Variants in SUPT3H observed in about 807,000 individuals in gnomAD.
SUPT3H encodes the protein transcription initiation protein SPT3 homolog.
SUPT3H carries 44 observed loss-of-function variants against 44.3 expected under a neutral mutation model. The observed-to-expected ratio is 0.99, with a 90% CI of 0.78 to 1.28. SUPT3H has a LOEUF of 1.28. SUPT3H is among the 50% of genes most tolerant of loss of function. SUPT3H has a pLI of 0.00. For synonymous variants in SUPT3H, 124 were observed against 125.6 expected (o/e 0.99, Z 0.09); for missense variants, 380 against 387.1 (o/e 0.98, Z 0.15).
intron 2 of SUPT3H, among the ~76,000 whole-genome samples, chr6:45,181,219 C>T (rs9369541): frequency 1.1e-5 from 1 of 90,282 alleles, no homozygotes; most frequent in Non-Finnish European, 2.3e-5. Context: ...GGAAACAACA[C>T]GTGCTGGAGA....
intron 3 of SUPT3H, among the ~76,000 whole-genome samples, chr6:45,066,365 G>C (rs1793314541): frequency 7.3e-6 from 1 of 137,570 alleles, no homozygotes; most frequent in Admixed American, 7.4e-5. Context: ...ATACTGAATG[G>C]GCAAAAACTG....
intron 5 of SUPT3H, among the ~76,000 whole-genome samples, chr6:45,007,964 T>G (rs140180485): frequency 6.6e-6 from 1 of 152,134 alleles, no homozygotes; most frequent in East Asian, 1.9e-4. Context: ...TTTCTTTCAT[T>G]TAGCTTAATA....
chr6:45,247,515 C>A (rs1021716242), intron 2 of SUPT3H, among the ~76,000 whole-genome samples: 1 of 152,008 alleles, frequency 6.6e-6, no homozygotes, highest in African/African-American at 2.4e-5. Context: ...ACATGACCAA[C>A]CCTTAATAAA....
chr6:45,195,864 C>T (rs17209678), intron 2 of SUPT3H, among the ~76,000 whole-genome samples: 33,300 of 151,900 alleles, frequency 0.22, 4,468 homozygotes, highest in Non-Finnish European at 0.31. Flanking sequence ...TCACTGAGGT[C>T]GGTAGTTACA....
chr6:45,217,003 C>T (rs991713725), intron 2 of SUPT3H, among the ~76,000 whole-genome samples: 1 of 152,030 alleles, frequency 6.6e-6, no homozygotes, highest in African/African-American at 2.4e-5. Flanking sequence ...AGAGAGATTA[C>T]AAGGTAGGAC....
At chr6:45,262,780 G>A (rs1774593392) in intron 2 of SUPT3H, among the ~76,000 whole-genome samples, 1 of 151,912 alleles carries the variant, frequency 6.6e-6, no homozygotes, top group South Asian at 2.1e-4. Context: ...ACAGAATCTA[G>A]GAGGAACTTA....
intron 2 of SUPT3H, among the ~76,000 whole-genome samples, chr6:45,191,232 A>G (rs1042495943): frequency 6.6e-6 from 1 of 152,110 alleles, no homozygotes; most frequent in African/African-American, 2.4e-5. Context: ...TTATGCAACA[A>G]TAAAAAGATA....
chr6:45,228,790 C>T (rs1036215242), intron 2 of SUPT3H, among the ~76,000 whole-genome samples: 1 of 152,040 alleles, frequency 6.6e-6, no homozygotes, highest in Non-Finnish European at 1.5e-5. Flanking sequence ...CAGGCATGCA[C>T]CATCACACCA....
At chr6:45,300,908 A>C (rs1478736110) in intron 2 of SUPT3H, among the ~76,000 whole-genome samples, 2 of 152,140 alleles carry the variant, frequency 1.3e-5, no homozygotes, top group South Asian at 2.1e-4. Context: ...AGGCAACAAA[A>C]CTGTGGGTTC....
intron 2 of SUPT3H, among the ~76,000 whole-genome samples, chr6:45,216,025 C>A (rs535102683): frequency 4.6e-5 from 7 of 152,072 alleles, no homozygotes; most frequent in African/African-American, 1.7e-4. Flanking sequence ...ACATTGAAAG[C>A]GATGAAAAGT....
chr6:44,935,693 T>G (rs1771289508), intron 9 of SUPT3H, among the ~76,000 whole-genome samples: 1 of 152,228 alleles, frequency 6.6e-6, no homozygotes, highest in African/African-American at 2.4e-5. Flanking sequence ...AAACTGATGC[T>G]GGGTATTAGA....
intron 2 of SUPT3H, among the ~76,000 whole-genome samples, chr6:45,266,824 TA>T (rs1775338879): frequency 6.6e-6 from 1 of 152,066 alleles, no homozygotes; most frequent in Non-Finnish European, 1.5e-5. Context: ...GCATATTCAA[TA>T]AATGAGTACA....
At chr6:44,822,234 G>C (rs932602548), downstream of SUPT3H, among the ~76,000 whole-genome samples, 15 of 152,110 alleles carry the variant, frequency 9.9e-5, no homozygotes, top group African/African-American at 3.6e-4. Flanking sequence ...TGCCAAATAA[G>C]ATTTCTGAAG....
intron 2 of SUPT3H, among the ~76,000 whole-genome samples, chr6:45,143,253 T>G (rs1286319043): frequency 6.6e-6 from 1 of 152,144 alleles, no homozygotes; most frequent in Non-Finnish European, 1.5e-5. Context: ...AGAATATACA[T>G]TCTTTTCATC....
chr6:44,893,507 T>C (rs910046557), intron 10 of SUPT3H, among the ~76,000 whole-genome samples: 2 of 152,230 alleles, frequency 1.3e-5, no homozygotes, highest in East Asian at 1.9e-4. Flanking sequence ...TTACTGAGAA[T>C]AATGATTTCC....
chr6:45,097,729 C>T (rs1797990362), intron 3 of SUPT3H: 1 of 152,314 alleles, frequency 6.6e-6, no homozygotes, highest in East Asian at 1.9e-4. Context: ...TTTCTTCTAT[C>T]TCTAATGATA....
chr6:44,905,770 C>G (rs1327316881), intron 10 of SUPT3H, among the ~76,000 whole-genome samples: 1 of 152,144 alleles, frequency 6.6e-6, no homozygotes, highest in Non-Finnish European at 1.5e-5. Context: ...GGAACCTACC[C>G]AAATGTCCAA....
rs1175281028 is a variant in SUPT3H at position 44,885,132 on chromosome 6, C to CCCA, written c.912+47518_912+47520dup. Among the ~76,000 whole-genome samples, 3 of 152,322 alleles carry CCCA rather than the reference C, an allele frequency of 2.0e-5. No homozygotes were observed. The East Asian group carries it at 5.8e-4, about 29-fold the overall frequency. ...GCCAGGAAGCTCGAACTGGGTGGAG[C>CCCA]CCACCACAGCTCAAGGGGACCTGCC... On this transcript the variant is annotated intron_variant, in intron 10 of 10. Transcript: ENST00000371459.
intron 2 of SUPT3H, among the ~76,000 whole-genome samples, chr6:45,191,939 A>C (rs1008077163): frequency 2.0e-5 from 3 of 152,092 alleles, no homozygotes; most frequent in Non-Finnish European, 2.9e-5. Context: ...TTATATAATC[A>C]AACTTTATAC....
Sources: gnomAD v4.1 joint callset for allele counts (sites outside exome capture counted in the v4.1 genomes callset) on GRCh38, gnomAD v4.1.1 for gene constraint, MANE v1.5 for transcripts, NCBI Gene and HGNC (gene_info 2026-07-23, HGNC 2026-07-21) for gene names.